Variants in BMPR1B observed in about 807,000 individuals in gnomAD.
BMPR1B encodes the protein bone morphogenetic protein receptor type-1B.
In BMPR1B, 12 loss-of-function variants were observed where a neutral mutation model predicts 59.1. The ratio of observed to expected loss-of-function variants is 0.20; its 90% CI spans 0.13 to 0.33. The LOEUF is 0.33. BMPR1B is among the 10% of genes least tolerant of loss of function. The pLI is 1.00. For synonymous variants in BMPR1B, 237 were observed against 207.3 expected (o/e 1.14, Z -1.23); for missense variants, 550 against 610.9 (o/e 0.90, Z 1.05).
intron 1 of BMPR1B, among the ~76,000 whole-genome samples, chr4:94,848,777 G>A (rs2148944611): frequency 6.6e-6 from 1 of 152,234 alleles, no homozygotes; most frequent in South Asian, 2.1e-4. Flanking sequence ...TAGAATGGCA[G>A]GGGTGGAGCT....
At chr4:94,966,012 TA>T (rs1192645357) in intron 2 of BMPR1B, among the ~76,000 whole-genome samples, 5 of 152,148 alleles carry the variant, frequency 3.3e-5, no homozygotes, top group East Asian at 3.9e-4. Flanking sequence ...CATACAGTTG[TA>T]AAAAAAAGAT....
intron 2 of BMPR1B, among the ~76,000 whole-genome samples, chr4:94,982,522 T>C (rs1312536902): frequency 1.3e-5 from 2 of 152,228 alleles, no homozygotes; most frequent in Non-Finnish European, 1.5e-5. Context: ...ATCTGCCTTT[T>C]ACTCCAGCAA....
intron 1 of BMPR1B, among the ~76,000 whole-genome samples, chr4:94,762,115 T>C (rs887452674): frequency 5.3e-5 from 8 of 152,238 alleles, no homozygotes; most frequent in Non-Finnish European, 7.3e-5. Flanking sequence ...ATAATTTGTT[T>C]TCATGATGTT....
intron 1 of BMPR1B, among the ~76,000 whole-genome samples, chr4:94,863,443 TG>T (rs568845806): frequency 6.4e-4 from 98 of 152,260 alleles, no homozygotes; most frequent in African/African-American, 2.2e-3. Context: ...AGAGGTAAAG[TG>T]GGACAGTGAA....
At chr4:95,024,345 T>C (rs751231739) in intron 3 of BMPR1B, among the ~76,000 whole-genome samples, 1 of 152,188 alleles carries the variant, frequency 6.6e-6, no homozygotes, top group Non-Finnish European at 1.5e-5. Context: ...CAGCTGCCAG[T>C]TCAGGGTATC....
intron 3 of BMPR1B, among the ~76,000 whole-genome samples, chr4:95,002,332 T>C (rs1037524496): frequency 6.6e-6 from 1 of 152,204 alleles, no homozygotes; most frequent in South Asian, 2.1e-4. Context: ...TTTATGGCAG[T>C]GTAGTACCAT....
At chr4:95,089,770 C>A (rs1221918659) in intron 3 of BMPR1B, among the ~76,000 whole-genome samples, 1 of 152,070 alleles carries the variant, frequency 6.6e-6, no homozygotes, top group Non-Finnish European at 1.5e-5. Flanking sequence ...TGGCAGTCTT[C>A]TTCCTACAAA....
chr4:94,788,116 G>A (rs1345599554), intron 1 of BMPR1B, among the ~76,000 whole-genome samples: 1 of 152,168 alleles, frequency 6.6e-6, no homozygotes, highest in African/African-American at 2.4e-5. Context: ...TGTGCTTCTT[G>A]TCCCTGCAGT....
chr4:95,075,418 A>T (rs1425409108), intron 3 of BMPR1B, among the ~76,000 whole-genome samples: 1 of 152,132 alleles, frequency 6.6e-6, no homozygotes, highest in Non-Finnish European at 1.5e-5. Flanking sequence ...TTATTTTCAC[A>T]TGTTGTATGT....
At chr4:95,053,425 C>T (rs148565172) in intron 3 of BMPR1B, among the ~76,000 whole-genome samples, 38 of 152,098 alleles carry the variant, frequency 2.5e-4, no homozygotes, top group African/African-American at 9.2e-4. Flanking sequence ...CTCTGCCACT[C>T]ACTAGTTGTA....
intron 3 of BMPR1B, among the ~76,000 whole-genome samples, chr4:95,081,908 C>T (rs1319285863): frequency 6.6e-6 from 1 of 152,080 alleles, no homozygotes. Flanking sequence ...TTTGCAAAAA[C>T]ATAGAGCAAT....
intron 3 of BMPR1B, among the ~76,000 whole-genome samples, chr4:95,040,654 A>G (rs1197627073): frequency 6.6e-6 from 1 of 152,192 alleles, no homozygotes; most frequent in African/African-American, 2.4e-5. Flanking sequence ...CATGGTTTTT[A>G]TAGTGTATAA....
At chr4:95,116,173 A>G (rs1732018259) in intron 6 of BMPR1B, among the ~76,000 whole-genome samples, 1 of 152,132 alleles carries the variant, frequency 6.6e-6, no homozygotes, top group Admixed American at 6.6e-5. Flanking sequence ...ATAAAGGGCT[A>G]AATTAAACAT....
At chr4:95,017,684 G>C (rs944268591) in intron 3 of BMPR1B, among the ~76,000 whole-genome samples, 1 of 152,122 alleles carries the variant, frequency 6.6e-6, no homozygotes, top group African/African-American at 2.4e-5. Flanking sequence ...CTGTTATCTG[G>C]TTTAATTCTC....
intron 2 of BMPR1B, among the ~76,000 whole-genome samples, chr4:94,901,173 A>G (rs140103335): frequency 4.6e-5 from 7 of 152,104 alleles, no homozygotes; most frequent in African/African-American, 1.7e-4. Flanking sequence ...AATGTTTCCA[A>G]ATTGAGTGTT....
At chr4:95,147,025 G>C (rs947704477) in intron 10 of BMPR1B, among the ~76,000 whole-genome samples, 3 of 152,032 alleles carry the variant, frequency 2.0e-5, no homozygotes, top group Admixed American at 1.3e-4. Flanking sequence ...AGAACACTGG[G>C]ACCTATGTTT....
At chr4:94,765,239 G>A (rs1280477873) in intron 1 of BMPR1B, among the ~76,000 whole-genome samples, 1 of 152,078 alleles carries the variant, frequency 6.6e-6, no homozygotes, top group Non-Finnish European at 1.5e-5. Flanking sequence ...ATATGTATGT[G>A]TGTGTGTATC....
chr4:95,111,427 A>G (rs2149273635), intron 4 of BMPR1B, among the ~76,000 whole-genome samples: 2 of 152,186 alleles, frequency 1.3e-5, no homozygotes, highest in East Asian at 3.9e-4. Flanking sequence ...AACCTTGTAA[A>G]CACTATATTC....
At chr4:95,114,845 G>A (rs1265419023) in intron 5 of BMPR1B, 23 bp downstream of exon 5, 2 of 1,562,542 alleles carry the variant, frequency 1.3e-6, no homozygotes, top group Non-Finnish European at 8.8e-7. Flanking sequence ...ACTTGATTCT[G>A]TAACCTTTCA....
Sources: allele counts gnomAD v4.1 joint callset (sites outside exome capture counted in the v4.1 genomes callset), GRCh38; gene constraint gnomAD v4.1.1; transcripts MANE v1.5; gene names NCBI Gene and HGNC (gene_info 2026-07-23, HGNC 2026-07-21).